EIF3B: variants seen among roughly 807,000 people sequenced by gnomAD.
EIF3B encodes eukaryotic translation initiation factor 3 subunit 9.
Under a neutral mutation model 104.6 loss-of-function variants are expected in EIF3B, and 10 were observed. That is an observed-to-expected ratio of 0.10 (90% confidence interval 0.06 to 0.16). EIF3B has a LOEUF of 0.16. EIF3B is among the 10% of genes least tolerant of loss of function. The pLI is 1.00. For missense variants in EIF3B, 1,014 were observed against 1,087.9 expected (o/e 0.93, Z 0.96); for synonymous variants, 542 against 417.2 (o/e 1.30, Z -3.65).
In EIF3B at chr7:2,376,985, A is replaced by G. The variant is rs775765851; in HGVS notation, c.2064A>G (p.Gly688=). 32 of 1,613,742 alleles carry G rather than the reference A, an allele frequency of 2.0e-5. No individual in the cohort carries two copies. The highest frequency in any genetic ancestry group is 2.5e-5 in the Non-Finnish European group (30 of 1,180,038). ...CGTACTGGCTGTGGACTTTCCAGGG[A>G]CGCCTCCTGCAGAAGAACAACAAGG... ...DNAYWLWTFQ[G]RLLQKNNKDR... The change falls in exon 15 of 19, where the codon GGA becomes GGG. Residue 688 remains glycine, a synonymous_variant. Coordinates refer to ENST00000360876, the MANE Select transcript of EIF3B (RefSeq NM_001037283.2).
At chr7:2,372,920 A>C in intron 12 of EIF3B, 125 bp downstream of exon 12, 2 of 1,120,840 alleles carry the variant, frequency 1.8e-6, no homozygotes, top group Non-Finnish European at 2.4e-6. Context: ...TCGCCTATGA[A>C]TGGGGTGTGG....
chr7:2,379,023 T>G (rs1780848340), intron 16 of EIF3B, 111 bp from the exon 17 acceptor site: 9 of 895,648 alleles, frequency 1.0e-5, no homozygotes, highest in Non-Finnish European at 1.6e-5. Flanking sequence ...CATTCCTGCT[T>G]GAGTGCCTCT....
Position 2,355,254 on chromosome 7 carries a change from G to A in EIF3B, c.333G>A (p.Gln111=). 1.3e-6 allele frequency: 2 copies of A among 1,530,000 alleles called. No homozygotes were observed. The highest frequency in any genetic ancestry group is 1.7e-6 in the Non-Finnish European group (2 of 1,145,020). The allele number at this position is 1,530,000 out of a possible 1,614,324, so 94.8% of individuals were successfully genotyped here. A position where few individuals can be genotyped will look rare whatever the true frequency, so the allele number is the denominator to read the frequency against. ...CACAGGGCGAGGCCCCAGGAGAGCAGGCTCGGGACGAGCGCTCCGACAGCC... is the reference window on the plus strand; with the variant it reads ...CACAGGGCGAGGCCCCAGGAGAGCAAGCTCGGGACGAGCGCTCCGACAGCC... The part of the protein sequence containing the change: ...VPAQGEAPGE[Q]ARDERSDSRA... Residue 111 remains glutamine (Q), a synonymous_variant, in exon 1 of 19, where the codon CAG becomes CAA. Transcript: ENST00000360876.
rs575418610 is a variant in EIF3B at position 2,380,616 on chromosome 7, G to A, written c.*427G>A. On this transcript the variant is annotated 3_prime_UTR_variant, in exon 19 of 19. Coordinates refer to ENST00000360876, the MANE Select transcript of EIF3B (RefSeq NM_001037283.2). ...GTTGAAGGACTTGCATCCCCATTGC[G>A]GGCAGTGCTGGACGTGTCCCGGAGA... is the stretch of plus-strand genomic sequence containing the variant. The A allele has an allele frequency of 8.9e-6, 3 of 335,958 alleles. No homozygotes were observed. The highest frequency in any genetic ancestry group is 3.9e-5 in the Admixed American group (1 of 25,364). The allele number at this position is 335,958 out of a possible 1,614,324, so 20.8% of individuals were successfully genotyped here.
At position 2,380,393 on chromosome 7, in the gene EIF3B, G is replaced by A. The variant is rs377583925; in HGVS notation, c.*204G>A. 34 of 518,796 alleles carry A rather than the reference G, an allele frequency of 6.6e-5. No individual in the cohort carries two copies. Among genetic ancestry groups the A allele is most frequent in the African/African-American group, 4.2e-4 (22 of 52,084 alleles). 32.1% of individuals were successfully genotyped at this position (518,796 alleles called of 1,614,324 possible). On this transcript the variant is annotated 3_prime_UTR_variant, in exon 19 of 19. Coordinates refer to ENST00000360876, the MANE Select transcript of EIF3B (RefSeq NM_001037283.2). ...GACTGCGCCTGGATTCTGCCATTGC[G>A]ACACATTTTTGTGCCTTTCAGCCCC... is the stretch of plus-strand genomic sequence containing the variant.
At chr7:2,355,961 T>G (rs1206629136) in intron 1 of EIF3B, among the ~76,000 whole-genome samples, 2 of 152,148 alleles carry the variant, frequency 1.3e-5, no homozygotes, top group Non-Finnish European at 2.9e-5. Flanking sequence ...TGATTTTTCT[T>G]TATCTCTTGC....
intron 5 of EIF3B, 95 bp downstream of exon 5, chr7:2,363,855 G>A (rs942068453): frequency 6.4e-6 from 9 of 1,402,062 alleles, no homozygotes; most frequent in Admixed American, 2.5e-5. Flanking sequence ...TGGAAGAGCA[G>A]GTGACGTTAT....
At chr7:2,359,562 C>T (rs965379296) in intron 1 of EIF3B, among the ~76,000 whole-genome samples, 3 of 152,160 alleles carry the variant, frequency 2.0e-5, no homozygotes, top group Admixed American at 6.5e-5. Flanking sequence ...TCCTCTGTAA[C>T]GTCCGTTATA....
intron 14 of EIF3B, chr7:2,376,638 G>A (rs545844503): frequency 1.3e-5 from 4 of 308,548 alleles, no homozygotes; most frequent in Non-Finnish European, 2.4e-5. Context: ...ATCCAGCACG[G>A]GGTTCAGCGG....
Position 2,374,586 on chromosome 7 carries a change from G to A in EIF3B, c.1869G>A (p.Val623=). ...TIFWSPQGQF[V]VLAGLRSMNG... ...TCTGGAGCCCCCAAGGACAGTTCGTGGTGTTGGCGGGCCTGAGGAGGTAGG... is the reference window on the plus strand; with the variant it reads ...TCTGGAGCCCCCAAGGACAGTTCGTAGTGTTGGCGGGCCTGAGGAGGTAGG... Residue 623 remains valine, a synonymous_variant, in exon 13 of 19, where the codon GTG becomes GTA. Coordinates refer to ENST00000360876, the MANE Select transcript of EIF3B (RefSeq NM_001037283.2). 2.5e-6 allele frequency: 4 copies of A among 1,614,052 alleles called. No individual in the cohort carries two copies. The highest frequency in any genetic ancestry group is 2.5e-6 in the Non-Finnish European group (3 of 1,179,934).
chr7:2,364,650 G>A (rs1779907415), intron 6 of EIF3B, 121 bp downstream of exon 6: 8 of 882,608 alleles, frequency 9.1e-6, no homozygotes, highest in Middle Eastern at 6.7e-4. Context: ...TATGCAGAAC[G>A]CTAATAAGCT....
intron 1 of EIF3B, among the ~76,000 whole-genome samples, chr7:2,355,792 C>T (rs1779391011): frequency 6.6e-6 from 1 of 152,032 alleles, no homozygotes. Flanking sequence ...GGCAGGTTTG[C>T]GGGTCTACGT....
rs888188373 is a variant in EIF3B at position 2,379,794 on chromosome 7, C to T, written c.*14+283C>T. The T allele has an allele frequency of 8.5e-5, 36 of 423,294 alleles. No homozygotes were observed. The East Asian group carries it at 1.8e-3, about 21-fold the overall frequency. The allele number at this position is 423,294 out of a possible 1,614,324, so 26.2% of individuals were successfully genotyped here. A position where few individuals can be genotyped will look rare whatever the true frequency, so the allele number is the denominator to read the frequency against. Reference sequence around the variant, plus strand: ...GAAGTGCCAGGAAGAGGAGGGTGGCCATGCCTGGCCATTTCCTGATACCTG... The same window carrying T: ...GAAGTGCCAGGAAGAGGAGGGTGGCTATGCCTGGCCATTTCCTGATACCTG... On this transcript the variant is annotated intron_variant, in intron 18 of 18. Transcript: ENST00000360876.
intron 13 of EIF3B, 193 bp from the exon 14 acceptor site, chr7:2,375,196 A>G: frequency 1.6e-6 from 1 of 619,980 alleles, no homozygotes; most frequent in Non-Finnish European, 2.9e-6. Context: ...AGTCATATGT[A>G]ATACTCACTG....
upstream of EIF3B, chr7:2,354,795 C>CGGA: frequency 1.0e-6 from 1 of 955,594 alleles, no homozygotes; most frequent in Non-Finnish European, 1.3e-6. Context: ...CCCCGCCCCG[C>CGGA]GGCCTTGGTG....
intron 15 of EIF3B, 85 bp downstream of exon 15, chr7:2,377,160 G>GGGT (rs1780680374): frequency 2.7e-6 from 4 of 1,492,684 alleles, no homozygotes; most frequent in Non-Finnish European, 3.6e-6. Flanking sequence ...GTTATTGTTA[G>GGGT]GGTGGTGACT....
chr7:2,356,026 C>T (rs1252511067), intron 1 of EIF3B, among the ~76,000 whole-genome samples: 3 of 152,172 alleles, frequency 2.0e-5, no homozygotes, highest in Non-Finnish European at 4.4e-5. Context: ...CGATAACAGC[C>T]AGCTTTGCCT....
chr7:2,368,441 C>T (rs776745663), intron 9 of EIF3B, among the ~76,000 whole-genome samples: 2 of 152,212 alleles, frequency 1.3e-5, no homozygotes, highest in South Asian at 4.1e-4. Flanking sequence ...TGAGCCACCG[C>T]GCCCGGCCTA....
At chr7:2,359,443 C>T (rs945904984) in intron 1 of EIF3B, among the ~76,000 whole-genome samples, 1 of 152,146 alleles carries the variant, frequency 6.6e-6, no homozygotes, top group Non-Finnish European at 1.5e-5. Context: ...CCAAAAGGAC[C>T]AGGTTCAGGG....
Sources: allele counts gnomAD v4.1 joint callset (sites outside exome capture counted in the v4.1 genomes callset), GRCh38; gene constraint gnomAD v4.1.1; transcripts MANE v1.5; gene names NCBI Gene and HGNC (gene_info 2026-07-23, HGNC 2026-07-21).